The following NUP155 variants were observed in gnomAD, a reference collection of about 807,000 sequenced individuals.
NUP155 encodes nucleoporin 155.
A neutral mutation model predicts 180.4 loss-of-function variants in NUP155; 71 were observed. That is an observed-to-expected ratio of 0.39 (90% CI 0.33 to 0.48). The LOEUF (loss-of-function observed/expected upper bound fraction) is 0.48, where lower values mean the gene tolerates loss of function less well. Among genes scored for constraint, NUP155 ranks in the 20% least tolerant of loss-of-function variants. The pLI is 0.91. For synonymous variants in NUP155, 582 were observed against 559.5 expected (o/e 1.04, Z -0.57); for missense variants, 1,553 against 1,648.9 (o/e 0.94, Z 1.01).
In NUP155 at chr5:37,325,494, G is replaced by A. The variant is rs1046541462; in HGVS notation, c.2091+407C>T. On this transcript the variant is annotated intron_variant, in intron 19 of 34. Coordinates refer to ENST00000231498, the MANE Select transcript of NUP155 (RefSeq NM_153485.3). ...TACATAAAAGAATAACCCGCCAGGC[G>A]CTGAGGCCCCCTGCCTGTAATCTTA... Among the ~76,000 whole-genome samples the A allele has an allele frequency of 3.3e-5, 5 of 152,230 alleles. No individual in the cohort carries two copies. In the East Asian group the frequency reaches 7.7e-4, roughly 24 times the overall value.
chr5:37,370,626 T>C, intron 1 of NUP155, 195 bp downstream of exon 1: 1 of 1,502,710 alleles, frequency 6.7e-7, no homozygotes, highest in East Asian at 2.4e-5. Flanking sequence ...TCTTGCCCTC[T>C]CAAGTATCTA....
chr5:37,307,694 G>A (rs1281948027), intron 24 of NUP155, among the ~76,000 whole-genome samples: 2 of 151,940 alleles, frequency 1.3e-5, no homozygotes, highest in Non-Finnish European at 2.9e-5. Flanking sequence ...AGGCTGAGAG[G>A]GGGCAGATCA....
chr5:37,313,513 C>CAG (rs1268759705), intron 22 of NUP155, among the ~76,000 whole-genome samples: 1 of 142,308 alleles, frequency 7.0e-6, no homozygotes, highest in East Asian at 2.0e-4. Context: ...GTGAGAGAGA[C>CAG]AGAGAGAGAC....
intron 1 of NUP155, among the ~76,000 whole-genome samples, chr5:37,365,290 G>GA (rs1747484047): frequency 6.8e-6 from 1 of 147,558 alleles, no homozygotes; most frequent in South Asian, 2.2e-4. Flanking sequence ...TAAACAAAAT[G>GA]AAAGCATGTA....
chr5:37,305,374 G>A (rs956219203), intron 25 of NUP155, among the ~76,000 whole-genome samples, 164 bp from the exon 26 acceptor site: 2 of 140,434 alleles, frequency 1.4e-5, no homozygotes, highest in African/African-American at 3.2e-5. Flanking sequence ...GCGGGACCAC[G>A]TCTCTACAAA....
At chr5:37,365,280 T>TA (rs1399461830) in intron 1 of NUP155, among the ~76,000 whole-genome samples, 1 of 151,094 alleles carries the variant, frequency 6.6e-6, no homozygotes, top group Non-Finnish European at 1.5e-5. Context: ...AATAAATAAA[T>TA]AAACAAAATG....
rs760597042 is a variant in NUP155 at position 37,294,486 on chromosome 5, C to T, written c.3794-21G>A. On this transcript the variant is annotated intron_variant, in intron 32 of 34. Transcript: ENST00000231498. The stretch of plus-strand genomic sequence containing the variant: ...AAAATCTGGGAAGAAAAAAAAAGAT[C>T]GGAAATTTGGATTTTTAGCTCTTGA... The T allele has an allele frequency of 7.9e-5, 128 of 1,610,854 alleles. 1 individual carries two copies. Among genetic ancestry groups the T allele is most frequent in the Admixed American group, 1.5e-4 (9 of 59,908 alleles).
intron 3 of NUP155, among the ~76,000 whole-genome samples, chr5:37,359,932 ACACAATGATACCTG>A (rs1206968103): frequency 1.3e-5 from 2 of 152,290 alleles, no homozygotes; most frequent in African/African-American, 4.8e-5. Flanking sequence ...AGCCTGGCCA[ACACAATGATACCTG>A]TTTCTACTAA....
intron 26 of NUP155, 42 bp downstream of exon 26, chr5:37,305,015 A>C: frequency 6.2e-7 from 1 of 1,606,030 alleles, no homozygotes; most frequent in Admixed American, 1.7e-5. Context: ...GAGAACTTCT[A>C]AACAGTGTAT....
intron 21 of NUP155, 112 bp from the exon 22 acceptor site, chr5:37,314,440 A>C (rs1274339424): frequency 1.3e-6 from 1 of 749,362 alleles, no homozygotes; most frequent in Non-Finnish European, 2.3e-6. Flanking sequence ...CCTAGCCCCC[A>C]TTACAGGCAA....
chr5:37,335,218 C>CA (rs1398600342), intron 12 of NUP155, among the ~76,000 whole-genome samples: 2 of 146,132 alleles, frequency 1.4e-5, no homozygotes, highest in Non-Finnish European at 3.0e-5. Flanking sequence ...CCCATCTCTA[C>CA]AAAAAATAAA....
chr5:37,363,052 C>T (rs1284467323), intron 3 of NUP155, among the ~76,000 whole-genome samples: 4 of 152,134 alleles, frequency 2.6e-5, no homozygotes, highest in African/African-American at 9.7e-5. Flanking sequence ...GCTGGGACTA[C>T]AGGCATGTGC....
intron 20 of NUP155, among the ~76,000 whole-genome samples, chr5:37,320,417 C>G (rs981559369): frequency 2.6e-5 from 4 of 152,088 alleles, no homozygotes; most frequent in Admixed American, 1.3e-4. Context: ...GCGGAGGTTG[C>G]GGTGAGCCGA....
Position 37,352,882 on chromosome 5 carries a change from A to C in NUP155, c.464-53T>G, listed in dbSNP as rs1746560368. 44 of 1,253,690 alleles carry C rather than the reference A, an allele frequency of 3.5e-5. 2 individuals carry two copies. The South Asian group carries it at 5.0e-4, about 14-fold the overall frequency. 77.7% of individuals were successfully genotyped at this position (1,253,690 alleles called of 1,614,324 possible). ...ATACTTTCAGCATTTAAGCACTAAC[A>C]GAGTAAGCTTTTATTACCATTAAAG... On this transcript the variant is annotated intron_variant, in intron 4 of 34. Coordinates refer to ENST00000231498, the MANE Select transcript of NUP155 (RefSeq NM_153485.3).
At chr5:37,350,408 G>A (rs967907245) in intron 6 of NUP155, 143 bp from the exon 7 acceptor site, 13 of 634,864 alleles carry the variant, frequency 2.0e-5, no homozygotes, top group Middle Eastern at 3.7e-4. Flanking sequence ...TCAACAAAAC[G>A]AGACATATTA....
At chr5:37,358,358 C>A (rs1005326687) in intron 3 of NUP155, among the ~76,000 whole-genome samples, 16 of 151,934 alleles carry the variant, frequency 1.1e-4, no homozygotes, top group African/African-American at 3.9e-4. Context: ...TGTGAGGCCA[C>A]TGAGTTGGCA....
At chr5:37,335,848 G>A (rs1240402021) in intron 12 of NUP155, among the ~76,000 whole-genome samples, 1 of 151,920 alleles carries the variant, frequency 6.6e-6, no homozygotes, top group African/African-American at 2.4e-5. Context: ...GCTACATGGC[G>A]GGGAGGGGGT....
intron 3 of NUP155, among the ~76,000 whole-genome samples, chr5:37,363,054 G>A (rs1195335924): frequency 6.6e-6 from 1 of 152,100 alleles, no homozygotes; most frequent in Non-Finnish European, 1.5e-5. Context: ...TGGGACTACA[G>A]GCATGTGCCA....
chr5:37,315,130 G>A (rs890446125), intron 21 of NUP155, among the ~76,000 whole-genome samples: 2 of 152,220 alleles, frequency 1.3e-5, no homozygotes, highest in African/African-American at 4.8e-5. Flanking sequence ...TACTTGAGAG[G>A]CTGAGGCAGG....
Sources: allele counts gnomAD v4.1 joint callset (sites outside exome capture counted in the v4.1 genomes callset), GRCh38; gene constraint gnomAD v4.1.1; transcripts MANE v1.5; gene names NCBI Gene and HGNC (gene_info 2026-07-23, HGNC 2026-07-21).